Variants in CYP11A1 observed in about 807,000 individuals in gnomAD.
The protein encoded by CYP11A1 is cholesterol side-chain cleavage enzyme, mitochondrial.
In CYP11A1, 25 loss-of-function variants were observed where a neutral mutation model predicts 51.9. The ratio of observed to expected loss-of-function variants is 0.48; its 90% confidence interval spans 0.35 to 0.67. CYP11A1 has a LOEUF of 0.67. CYP11A1 is among the 30% of genes least tolerant of loss of function. The probability of loss-of-function intolerance (pLI) is 0.00; values close to 1 mark genes in which losing one functional copy is unlikely to be tolerated. For missense variants in CYP11A1, 578 were observed against 680.9 expected (o/e 0.85, Z 1.68); for synonymous variants, 245 against 262.1 (o/e 0.93, Z 0.63).
In CYP11A1 at chr15:74,347,899, C is replaced by G; in HGVS notation, c.425+1G>C. ...TCCCTGGGAGATGGCCCAGGACTCA[C>G]TTCAACAGGACTCCTATGGGTCTCT... On this transcript the variant is annotated splice_donor_variant, in intron 2 of 8. Transcript: ENST00000268053. LOFTEE classifies it high-confidence loss of function. 1 of 1,614,158 alleles carries G rather than the reference C, an allele frequency of 6.2e-7. No individual in the cohort carries two copies. The highest frequency in any genetic ancestry group is 8.5e-7 in the Non-Finnish European group (1 of 1,179,992).
Position 74,361,601 on chromosome 15 carries a change from G to A in CYP11A1, c.269+5716C>T, listed in dbSNP as rs188605193. On this transcript the variant is annotated intron_variant, in intron 1 of 8. Coordinates refer to ENST00000268053, the MANE Select transcript of CYP11A1 (RefSeq NM_000781.3). ...GACATCGCAGTCACGGCGAGCCCTT[G>A]GGTCACGTCTCCTTTGAGCTGTTTG... 8 of 1,091,274 alleles carry A rather than the reference G, an allele frequency of 7.3e-6. No homozygotes were observed. The East Asian group carries it at 1.7e-4, about 23-fold the overall frequency. 67.6% of individuals were successfully genotyped at this position (1,091,274 alleles called of 1,614,324 possible).
At chr15:74,351,064 T>C (rs975540103) in intron 1 of CYP11A1, 20 of 152,236 alleles carry the variant, frequency 1.3e-4, no homozygotes, top group African/African-American at 4.6e-4. Flanking sequence ...CGGAGACAAC[T>C]GCAGGTTTCT....
In CYP11A1 at chr15:74,367,619, C is replaced by T. The variant is rs755649209; in HGVS notation, c.-34G>A. On this transcript the variant is annotated 5_prime_UTR_variant, in exon 1 of 9. In the 5' UTR this introduces an upstream ATG that the reference lacks. Transcript: ENST00000268053. ...CACAGCTGTGACTGTACCTGCTCCA[C>T]TTCAGCGGGGACTGCTAGGATGACT... 1 of 1,608,242 alleles carries T rather than the reference C, an allele frequency of 6.2e-7. No individual in the cohort carries two copies. The highest frequency in any genetic ancestry group is 2.2e-5 in the East Asian group (1 of 44,612).
At chr15:74,361,677 G>T in intron 1 of CYP11A1, 1 of 1,221,980 alleles carries the variant, frequency 8.2e-7, no homozygotes, top group South Asian at 1.2e-5. Flanking sequence ...GAGCACTGGA[G>T]AGGAAGGATT....
At chr15:74,339,869 C>G in intron 5 of CYP11A1, 116 bp from the exon 6 acceptor site, 1 of 979,442 alleles carries the variant, frequency 1.0e-6, no homozygotes. Flanking sequence ...CCCCGAACCC[C>G]ATCCCAGTCT....
chr15:74,339,197 C>G, intron 7 of CYP11A1, 40 bp downstream of exon 7: 2 of 1,564,534 alleles, frequency 1.3e-6, no homozygotes, highest in Non-Finnish European at 8.8e-7. Context: ...CCCCAGCCCT[C>G]TCTGACTGGC....
intron 1 of CYP11A1, among the ~76,000 whole-genome samples, chr15:74,360,798 G>A (rs2060704935): frequency 6.6e-6 from 1 of 152,132 alleles, no homozygotes; most frequent in Admixed American, 6.5e-5. Flanking sequence ...AGCTACTGGG[G>A]AGGCTGAGGC....
chr15:74,344,059 G>A (rs2060621312), intron 3 of CYP11A1, 67 bp from the exon 4 acceptor site: 1 of 1,350,758 alleles, frequency 7.4e-7, no homozygotes, highest in Admixed American at 1.7e-5. Flanking sequence ...CAACTCCCAG[G>A]GACTCCTCCA....
chr15:74,345,394 A>AC lies in CYP11A1; in HGVS notation c.426-152dup. On this transcript the variant is annotated intron_variant, in intron 2 of 8. Coordinates refer to ENST00000268053, the MANE Select transcript of CYP11A1 (RefSeq NM_000781.3). This position sits in a 1 kb window ranked among gnomAD's most constrained non-coding sequence, Gnocchi z 4.3. ...GGCCTCTGCCCTCACCTCTCCGAGCACCCTCTGCCTCTCACCTCCTCCCTG... is the reference window on the plus strand; with the variant it reads ...GGCCTCTGCCCTCACCTCTCCGAGCACCCCTCTGCCTCTCACCTCCTCCCTG... 2 of 752,974 alleles carry AC rather than the reference A, an allele frequency of 2.7e-6. No homozygotes were observed. The highest frequency in any genetic ancestry group is 4.6e-6 in the Non-Finnish European group (2 of 435,582). 46.6% of individuals were successfully genotyped at this position (752,974 alleles called of 1,614,324 possible).
chr15:74,348,993 T>G (rs1213940335), intron 1 of CYP11A1, among the ~76,000 whole-genome samples: 1 of 152,240 alleles, frequency 6.6e-6, no homozygotes, highest in East Asian at 1.9e-4. Flanking sequence ...CCCAAAGTGC[T>G]GGGATGGCAG....
At chr15:74,361,875 G>A (rs774181914) in intron 1 of CYP11A1, 81 of 1,126,232 alleles carry the variant, frequency 7.2e-5, no homozygotes, top group South Asian at 4.0e-4. Flanking sequence ...CAATACAAAC[G>A]GTTCCCAGTT....
At chr15:74,366,357 C>G in intron 1 of CYP11A1, 2 of 692,776 alleles carry the variant, frequency 2.9e-6, no homozygotes, top group Non-Finnish European at 3.5e-6. Context: ...GATCTCGGCT[C>G]ACTGCAACCT....
chr15:74,346,615 G>A (rs151317607), intron 2 of CYP11A1, among the ~76,000 whole-genome samples: 199 of 152,038 alleles, frequency 1.3e-3, no homozygotes, highest in African/African-American at 4.6e-3. Context: ...GATACTCTTT[G>A]GAGTATATAC....
At chr15:74,339,194 C>A in intron 7 of CYP11A1, 43 bp downstream of exon 7, 1 of 1,537,718 alleles carries the variant, frequency 6.5e-7, no homozygotes, top group Non-Finnish European at 9.0e-7. Context: ...CTGCCCCAGC[C>A]CTCTCTGACT....
chr15:74,356,015 A>C (rs2060677732), intron 1 of CYP11A1, among the ~76,000 whole-genome samples: 1 of 152,252 alleles, frequency 6.6e-6, no homozygotes, highest in Admixed American at 6.5e-5. Flanking sequence ...GGAATTAATC[A>C]ACCTTGCCTT....
At chr15:74,361,118 A>G (rs956916967) in intron 1 of CYP11A1, among the ~76,000 whole-genome samples, 1 of 152,234 alleles carries the variant, frequency 6.6e-6, no homozygotes, top group African/African-American at 2.4e-5. Flanking sequence ...CTTCAGTTTC[A>G]AAATTGTCTT....
intron 7 of CYP11A1, 139 bp from the exon 8 acceptor site, chr15:74,338,907 A>G: frequency 7.4e-6 from 6 of 815,562 alleles, no homozygotes; most frequent in Non-Finnish European, 1.2e-5. Context: ...AGGGCAGGAC[A>G]TTCTGCCCAC....
At chr15:74,365,620 G>A (rs2060728709) in intron 1 of CYP11A1, 1 of 953,340 alleles carries the variant, frequency 1.0e-6, no homozygotes. Context: ...CCTCAGGCCT[G>A]GGAACTAGGA....
intron 4 of CYP11A1, 26 bp from the exon 5 acceptor site, chr15:74,343,163 G>A (rs1169923636): frequency 6.2e-7 from 1 of 1,612,990 alleles, no homozygotes; most frequent in Non-Finnish European, 8.5e-7. Flanking sequence ...AAAGAAAAAA[G>A]AGTGAGGTTC....
Sources: gnomAD v4.1 joint callset for allele counts (sites outside exome capture counted in the v4.1 genomes callset) on GRCh38, gnomAD v4.1.1 for gene constraint, Gnocchi (gnomAD v3.1) non-coding constraint, MANE v1.5 for transcripts, NCBI Gene and HGNC (gene_info 2026-07-23, HGNC 2026-07-21) for gene names.